SLC6A6: variants seen among roughly 807,000 people sequenced by gnomAD.
The protein encoded by SLC6A6 is sodium- and chloride-dependent taurine transporter.
A neutral mutation model predicts 68.8 loss-of-function variants in SLC6A6; 16 were observed. The ratio of observed to expected loss-of-function variants is 0.23; its 90% CI spans 0.16 to 0.35. The LOEUF (loss-of-function observed/expected upper bound fraction) is 0.35. Ranked by LOEUF, SLC6A6 falls within the 10% of genes least tolerant of loss-of-function variation. The probability of loss-of-function intolerance (pLI) is 1.00; values close to 1 mark genes in which losing one functional copy is unlikely to be tolerated. For missense variants in SLC6A6, 474 were observed against 802.8 expected (o/e 0.59, Z 4.95); for synonymous variants, 312 against 315.4 (o/e 0.99, Z 0.12).
chr3:14,478,634 C>A, intron 12 of SLC6A6, 66 bp downstream of exon 12: 1 of 987,248 alleles, frequency 1.0e-6, no homozygotes, highest in Non-Finnish European at 1.6e-6. Flanking sequence ...TTAGAAGCTT[C>A]AGAAGCAGAG....
rs9834463 is a variant in SLC6A6 at position 14,430,254 on chromosome 3, G to A, written c.-11-13370G>A. On this transcript the variant is annotated intron_variant, in intron 2 of 14. Transcript: ENST00000622186. ...GGGAGTCACTGATAGTTCTTGAGCT[G>A]GGGGCTGACATGGCAGGCATTTGGG... Among the ~76,000 whole-genome samples the A allele has an allele frequency of 8.9e-3, 1,359 of 152,264 alleles. 18 individuals carry two copies. Among genetic ancestry groups the A allele is most frequent in the African/African-American group, 0.031 (1,275 of 41,546 alleles).
rs1700951374 is a variant in SLC6A6 at position 14,479,173 on chromosome 3, A to G, written c.1539A>G (p.Pro513=). 10 of 1,609,192 alleles carry G rather than the reference A, an allele frequency of 6.2e-6. 1 individual carries two copies. The African/African-American group carries it at 6.7e-5, about 11-fold the overall frequency. Residue 513 remains proline, a synonymous_variant, in exon 13 of 15, where the codon CCA becomes CCG. Coordinates refer to ENST00000622186, the MANE Select transcript of SLC6A6 (RefSeq NM_003043.6). Reference sequence around the variant, plus strand: ...AGTACAGCTGGGCTGTGATCACTCCAGTTCTCTGTGTTGTGAGTTCCATTT... The same window carrying G: ...AGTACAGCTGGGCTGTGATCACTCCGGTTCTCTGTGTTGTGAGTTCCATTT... ...WMKYSWAVIT[P]VLCVGCFIFS...
chr3:14,484,936 T>G lies in SLC6A6; in HGVS notation c.1792T>G (p.Tyr598Asp). The change falls in exon 15 of 15, where the codon TAC becomes GAC. Residue 598 changes from tyrosine to aspartate, a missense_variant. Coordinates refer to ENST00000622186, the MANE Select transcript of SLC6A6 (RefSeq NM_003043.6). ...TGTGGAGCGCGAGGGAGCCACACCT[T>G]ACAACTCTCGCACCGTCATGAACGG... ...WAVEREGATP[Y>D]NSRTVMNGAL... is the part of the protein sequence containing the mutation. The G allele has an allele frequency of 6.2e-7, 1 of 1,612,798 alleles. No individual in the cohort carries two copies. Among genetic ancestry groups the G allele is most frequent in the Non-Finnish European group, 8.5e-7 (1 of 1,179,950 alleles).
chr3:14,486,731 G>C lies in SLC6A6; in HGVS notation c.*1724G>C, dbSNP rs1701177437. On this transcript the variant is annotated 3_prime_UTR_variant, in exon 15 of 15. Transcript: ENST00000622186. ...GGGTGCAGACCGCAGAATTTTCACA[G>C]CAGGGGCTCTTGGAACCCTGGAAAC... The C allele has an allele frequency of 6.6e-6, 1 of 152,590 alleles. No homozygotes were observed. The highest frequency in any genetic ancestry group is 2.1e-4 in the South Asian group (1 of 4,828). 9.5% of individuals were successfully genotyped at this position (152,590 alleles called of 1,614,324 possible).
rs1263420009 is a variant in SLC6A6, at chr3:14,415,451, CTCTG to C, written c.-53-956_-53-953del. 5.9e-5 allele frequency among the ~76,000 whole-genome samples: 9 copies of C among 152,340 alleles called. 1 individual carries two copies. Among genetic ancestry groups the C allele is most frequent in the African/African-American group, 2.2e-4 (9 of 41,580 alleles). On this transcript the variant is annotated intron_variant, in intron 1 of 14. Coordinates refer to ENST00000622186, the MANE Select transcript of SLC6A6 (RefSeq NM_003043.6). Reference sequence around the variant, plus strand: ...CAGCAAGGAAAGGGGTCCTGGAGGCCTCTGTCTGCTCTCCCAGACCCACCCTCCC... The same window carrying C: ...CAGCAAGGAAAGGGGTCCTGGAGGCCTCTGCTCTCCCAGACCCACCCTCCC...
chr3:14,476,944 G>A (rs936428389), intron 10 of SLC6A6, among the ~76,000 whole-genome samples: 1 of 152,244 alleles, frequency 6.6e-6, no homozygotes, highest in Non-Finnish European at 1.5e-5. Context: ...AAGATGCAGA[G>A]GTGTGGAATA....
At chr3:14,455,568 A>G (rs1287447777) in intron 5 of SLC6A6, among the ~76,000 whole-genome samples, 1 of 152,238 alleles carries the variant, frequency 6.6e-6, no homozygotes. Flanking sequence ...GAAGACAGAC[A>G]GGGGCTCTAC....
intron 2 of SLC6A6, among the ~76,000 whole-genome samples, chr3:14,431,925 TG>T (rs1173519983): frequency 6.6e-6 from 1 of 152,140 alleles, no homozygotes; most frequent in Admixed American, 6.5e-5. Context: ...ATACTGTAGA[TG>T]GGATATTGTG....
chr3:14,425,182 G>A (rs1488300846), intron 2 of SLC6A6, among the ~76,000 whole-genome samples: 7 of 152,160 alleles, frequency 4.6e-5, no homozygotes, highest in African/African-American at 7.2e-5. Context: ...TGTAATTCAC[G>A]ACGATGACCC....
intron 2 of SLC6A6, among the ~76,000 whole-genome samples, chr3:14,423,196 A>T (rs972709107): frequency 1.3e-5 from 2 of 152,228 alleles, no homozygotes; most frequent in African/African-American, 4.8e-5. Context: ...CCAGCAGGCA[A>T]GAGGTGTCTT....
intron 2 of SLC6A6, among the ~76,000 whole-genome samples, chr3:14,421,091 G>C (rs1699475483): frequency 6.6e-6 from 1 of 152,208 alleles, no homozygotes; most frequent in Non-Finnish European, 1.5e-5. Context: ...ATCAGTGACA[G>C]CCCTGGGGCA....
chr3:14,483,998 A>G (rs1219739835), intron 14 of SLC6A6, among the ~76,000 whole-genome samples: 1 of 152,228 alleles, frequency 6.6e-6, no homozygotes, highest in African/African-American at 2.4e-5. Flanking sequence ...TTTAATAAGC[A>G]GCTTTTAAAA....
chr3:14,479,167 C>T lies in SLC6A6; in HGVS notation c.1533C>T (p.Ile511=). Residue 511 remains isoleucine, a synonymous_variant, in exon 13 of 15, where the codon ATC becomes ATT. Coordinates refer to ENST00000622186, the MANE Select transcript of SLC6A6 (RefSeq NM_003043.6). ...GGATGAAGTACAGCTGGGCTGTGAT[C>T]ACTCCAGTTCTCTGTGTTGTGAGTT... ...GPWMKYSWAV[I]TPVLCVGCFI... 1 of 1,609,276 alleles carries T rather than the reference C, an allele frequency of 6.2e-7. No homozygotes were observed. The highest frequency in any genetic ancestry group is 8.5e-7 in the Non-Finnish European group (1 of 1,175,506).
chr3:14,452,960 T>C (rs73132952), intron 5 of SLC6A6, among the ~76,000 whole-genome samples: 1,707 of 152,334 alleles, frequency 0.011, 33 homozygotes, highest in African/African-American at 0.039. Context: ...TCGGCACGTA[T>C]CATTAGACTT....
intron 10 of SLC6A6, among the ~76,000 whole-genome samples, chr3:14,473,730 CAGG>C (rs1012222623): frequency 3.2e-4 from 49 of 152,176 alleles, no homozygotes; most frequent in African/African-American, 1.1e-3. Flanking sequence ...AATAAACAAG[CAGG>C]AGGACTCCAT....
chr3:14,415,631 G>A (rs951189444), intron 1 of SLC6A6, among the ~76,000 whole-genome samples: 1 of 152,212 alleles, frequency 6.6e-6, no homozygotes, highest in African/African-American at 2.4e-5. Flanking sequence ...CTCAGGGCAA[G>A]GAGCTTTGCT....
In SLC6A6 at chr3:14,458,091, G is replaced by A. The variant is rs1287078427; in HGVS notation, c.732+9G>A. 1.2e-6 allele frequency: 2 copies of A among 1,613,320 alleles called. No homozygotes were observed. The highest frequency in any genetic ancestry group is 4.5e-5 in the East Asian group (2 of 44,886). On this transcript the variant is annotated intron_variant, in intron 6 of 14. Coordinates refer to ENST00000622186, the MANE Select transcript of SLC6A6 (RefSeq NM_003043.6). ...TCAGGTCCACTGGGAAGGTAAGTTG[G>A]ACTTCTGTCCGTCCCCTGCCTCCTG... is the stretch of plus-strand genomic sequence containing the variant.
intron 2 of SLC6A6, among the ~76,000 whole-genome samples, chr3:14,418,060 C>A (rs1264064549): frequency 6.6e-6 from 1 of 152,208 alleles, no homozygotes; most frequent in Non-Finnish European, 1.5e-5. Flanking sequence ...CACAAACACA[C>A]ACGTCAAACT....
In SLC6A6 at chr3:14,402,820, A is replaced by G; in HGVS notation, c.-81A>G. The G allele has an allele frequency of 2.5e-6, 1 of 397,442 alleles. No individual in the cohort carries two copies. The allele number at this position is 397,442 out of a possible 1,614,324, so 24.6% of individuals were successfully genotyped here. On this transcript the variant is annotated 5_prime_UTR_variant, in exon 1 of 15. Coordinates refer to ENST00000622186, the MANE Select transcript of SLC6A6 (RefSeq NM_003043.6). This position sits in a 1 kb window ranked among gnomAD's most constrained non-coding sequence, Gnocchi z 4.8. The stretch of plus-strand genomic sequence containing the variant: ...GGCGGAACCCGGCACAGCCGAGCAG[A>G]GCGCGGGCGGCGCCGCAGCCACCCC...
Sources: gnomAD v4.1 joint callset for allele counts (sites outside exome capture counted in the v4.1 genomes callset) on GRCh38, gnomAD v4.1.1 for gene constraint, Gnocchi (gnomAD v3.1) non-coding constraint, MANE v1.5 for transcripts, NCBI Gene and HGNC (gene_info 2026-07-23, HGNC 2026-07-21) for gene names.